The following TMEM131 variants were observed in gnomAD, a reference collection of about 807,000 sequenced individuals.
TMEM131 encodes 2610524E03Rik.
Under a neutral mutation model 211.6 loss-of-function variants are expected in TMEM131, and 66 were observed. The ratio of observed to expected loss-of-function variants is 0.31; its 90% CI spans 0.26 to 0.38. The LOEUF (loss-of-function observed/expected upper bound fraction) is 0.38. Among genes scored for constraint, TMEM131 ranks in the 10% least tolerant of loss-of-function variants. TMEM131 has a pLI of 1.00. For synonymous variants in TMEM131, 844 were observed against 841.3 expected, an observed-to-expected ratio of 1.00 and a Z score of -0.06; for missense variants, 2,036 against 2,299.3, an observed-to-expected ratio of 0.89 and a Z score of 2.34.
chr2:97,978,051 C>T (rs1679620655), intron 1 of TMEM131, among the ~76,000 whole-genome samples: 1 of 152,084 alleles, frequency 6.6e-6, no homozygotes. Context: ...TGCGCCACTG[C>T]ACTCCAGCCT....
chr2:97,966,741 A>G (rs1038039658), intron 1 of TMEM131, among the ~76,000 whole-genome samples: 7 of 152,182 alleles, frequency 4.6e-5, no homozygotes, highest in African/African-American at 1.7e-4. Context: ...AGATGATTCA[A>G]TACTCACACC....
At chr2:97,832,882 G>A (rs113875316) in intron 11 of TMEM131, among the ~76,000 whole-genome samples, 4 of 152,204 alleles carry the variant, frequency 2.6e-5, no homozygotes, top group African/African-American at 4.8e-5. Context: ...TGCTGCCTAC[G>A]GTAACTCAAT....
At chr2:97,792,151 T>C (rs984126845) in intron 31 of TMEM131, among the ~76,000 whole-genome samples, 5 of 152,200 alleles carry the variant, frequency 3.3e-5, no homozygotes, top group African/African-American at 1.2e-4. Flanking sequence ...AAAGCAGATG[T>C]CCACAGAATT....
rs771609483 is a variant in TMEM131 at position 97,805,535 on chromosome 2, T to TATTAA, written c.2208+15_2208+16insTTAAT. 8.1e-6 allele frequency: 13 copies of TATTAA among 1,609,680 alleles called. No individual in the cohort carries two copies. On this transcript the variant is annotated intron_variant, in intron 20 of 40. Transcript: ENST00000186436. ...ATGTTAACCAATGGGAATTCTCAAA[T>TATTAA]ATAATATCTTCAAACCTTTGATTTT...
intron 4 of TMEM131, among the ~76,000 whole-genome samples, chr2:97,884,738 C>T (rs1048171069): frequency 6.6e-6 from 1 of 152,160 alleles, no homozygotes; most frequent in African/African-American, 2.4e-5. Context: ...TAATGCTACT[C>T]CTGCTGGCTT....
intron 25 of TMEM131, 21 bp downstream of exon 25, chr2:97,801,873 AG>A (rs1681051660): frequency 6.6e-7 from 1 of 1,507,758 alleles, no homozygotes; most frequent in Non-Finnish European, 9.1e-7. Flanking sequence ...TCTTTGGAAT[AG>A]TATGAAGTTT....
At chr2:97,799,668 G>A (rs1022383971) in intron 25 of TMEM131, among the ~76,000 whole-genome samples, 9 of 152,156 alleles carry the variant, frequency 5.9e-5, no homozygotes, top group Admixed American at 1.3e-4. Flanking sequence ...TTAGATTAGC[G>A]AGGATGATTC....
intron 2 of TMEM131, 109 bp downstream of exon 2, chr2:97,927,317 A>T (rs1252507651): frequency 1.1e-5 from 9 of 819,804 alleles, no homozygotes; most frequent in Non-Finnish European, 1.6e-5. Flanking sequence ...TTCAAAGCTC[A>T]TAAAATATAA....
chr2:97,778,917 T>C (rs1679855522), intron 31 of TMEM131, among the ~76,000 whole-genome samples: 1 of 152,200 alleles, frequency 6.6e-6, no homozygotes. Context: ...TTCATTAACA[T>C]CAACAATCCA....
chr2:97,977,618 T>C lies in TMEM131; in HGVS notation c.187+17858A>G, dbSNP rs189742162. Among the ~76,000 whole-genome samples, 43 of 152,384 alleles carry C rather than the reference T, an allele frequency of 2.8e-4. No individual in the cohort carries two copies. The East Asian group carries it at 5.6e-3, about 20-fold the overall frequency. On this transcript the variant is annotated intron_variant, in intron 1 of 40. Transcript: ENST00000186436. Reference sequence around the variant, plus strand: ...GTAATCTATTAAGAGCGCAATAGCATTGTATCTAAGAAAGTATATATCTTA... The same window carrying C: ...GTAATCTATTAAGAGCGCAATAGCACTGTATCTAAGAAAGTATATATCTTA...
At chr2:97,785,639 A>G (rs576311570) in intron 31 of TMEM131, among the ~76,000 whole-genome samples, 171 of 152,354 alleles carry the variant, frequency 1.1e-3, no homozygotes, top group African/African-American at 4.0e-3. Context: ...TGCAACTATC[A>G]TAAGACCCAA....
At chr2:97,874,918 G>A (rs1432133584) in intron 4 of TMEM131, among the ~76,000 whole-genome samples, 1 of 152,080 alleles carries the variant, frequency 6.6e-6, no homozygotes, top group Non-Finnish European at 1.5e-5. Context: ...TAAAGACACA[G>A]ACTGGCAAAC....
intron 6 of TMEM131, among the ~76,000 whole-genome samples, chr2:97,842,478 C>T (rs892979195): frequency 2.0e-5 from 3 of 151,688 alleles, no homozygotes; most frequent in African/African-American, 4.9e-5. Flanking sequence ...AAACTTACAT[C>T]GTAGTATTGG....
At position 97,830,353 on chromosome 2, in the gene TMEM131, T is replaced by C. The variant is rs551303043; in HGVS notation, c.1074+3012A>G. 5.9e-5 allele frequency among the ~76,000 whole-genome samples: 9 copies of C among 152,256 alleles called. No homozygotes were observed. The South Asian group carries it at 1.7e-3, about 28-fold the overall frequency. On this transcript the variant is annotated intron_variant, in intron 11 of 40. Transcript: ENST00000186436. The stretch of plus-strand genomic sequence containing the variant: ...CTAACTCAAAGATAATCAAGAAGTA[T>C]AAAACTATTGCAAGTTTCCCAGGAA...
chr2:97,797,318 CTAAG>C, intron 26 of TMEM131, 43 bp downstream of exon 26: 1 of 1,501,300 alleles, frequency 6.7e-7, no homozygotes, highest in South Asian at 1.3e-5. Flanking sequence ...GTGAGGACTT[CTAAG>C]TAAGTAGTAA....
At chr2:97,949,550 C>CA (rs1279143794) in intron 1 of TMEM131, among the ~76,000 whole-genome samples, 4 of 151,974 alleles carry the variant, frequency 2.6e-5, no homozygotes, top group South Asian at 2.1e-4. Flanking sequence ...CGTGGTGGCT[C>CA]ACGCCTGTAA....
chr2:97,915,417 C>A (rs1213748797), intron 2 of TMEM131, among the ~76,000 whole-genome samples: 1 of 152,026 alleles, frequency 6.6e-6, no homozygotes, highest in African/African-American at 2.4e-5. Context: ...ATGTCCCAGG[C>A]TCAAAAGATT....
chr2:97,932,221 T>A (rs1677255741), intron 1 of TMEM131, among the ~76,000 whole-genome samples: 1 of 152,068 alleles, frequency 6.6e-6, no homozygotes, highest in Admixed American at 6.5e-5. Flanking sequence ...ACAGTTACAC[T>A]TGCTCAATAT....
At chr2:97,917,138 C>T (rs1197425341) in intron 2 of TMEM131, among the ~76,000 whole-genome samples, 2 of 152,142 alleles carry the variant, frequency 1.3e-5, no homozygotes, top group Non-Finnish European at 2.9e-5. Context: ...AGCCCATGAG[C>T]CAAATCCAGT....
Sources: gnomAD v4.1 joint callset for allele counts (sites outside exome capture counted in the v4.1 genomes callset) on GRCh38, gnomAD v4.1.1 for gene constraint, MANE v1.5 for transcripts, NCBI Gene and HGNC (gene_info 2026-07-23, HGNC 2026-07-21) for gene names.